The following ARIH2 variants were observed in gnomAD, a reference collection of about 807,000 sequenced individuals.
ARIH2 encodes the protein E3 ubiquitin-protein ligase ARIH2.
A neutral mutation model predicts 79.8 loss-of-function variants in ARIH2; 12 were observed. That is an observed-to-expected ratio of 0.15 (90% CI 0.10 to 0.24). The LOEUF (loss-of-function observed/expected upper bound fraction) is 0.24. Among genes scored for constraint, ARIH2 ranks in the 10% least tolerant of loss-of-function variants. The pLI is 1.00. For synonymous variants in ARIH2, 224 were observed against 213.9 expected, an observed-to-expected ratio of 1.05 and a Z score of -0.41; for missense variants, 301 against 618.3, an observed-to-expected ratio of 0.49 and a Z score of 5.44.
chr3:48,981,177 C>T (rs760984532), intron 13 of ARIH2, among the ~76,000 whole-genome samples: 1 of 151,642 alleles, frequency 6.6e-6, no homozygotes, highest in Admixed American at 6.6e-5. Context: ...AAAAAAAATA[C>T]AAACGTTCGC....
At chr3:48,935,927 C>T (rs2107113886) in intron 3 of ARIH2, among the ~76,000 whole-genome samples, 1 of 152,228 alleles carries the variant, frequency 6.6e-6, no homozygotes, top group South Asian at 2.1e-4. Context: ...GGGTCATATA[C>T]TTTGGATTAT....
intron 3 of ARIH2, among the ~76,000 whole-genome samples, chr3:48,950,492 CA>C (rs918600102): frequency 6.6e-6 from 1 of 152,148 alleles, no homozygotes. Flanking sequence ...TCTTTTCTTT[CA>C]AGATTGCTTT....
At chr3:48,934,296 G>C (rs1482019687) in intron 3 of ARIH2, 2 of 740,066 alleles carry the variant, frequency 2.7e-6, no homozygotes, top group Non-Finnish European at 3.3e-6. Context: ...ATAATGCCAA[G>C]TTAAAAGATA....
intron 9 of ARIH2, among the ~76,000 whole-genome samples, chr3:48,974,240 C>G (rs908913148): frequency 1.3e-5 from 2 of 152,172 alleles, no homozygotes; most frequent in African/African-American, 4.8e-5. Flanking sequence ...CTAGGGGCCA[C>G]TGTACCCTTT....
chr3:48,932,495 G>A (rs1177038108), intron 3 of ARIH2, among the ~76,000 whole-genome samples: 1 of 152,142 alleles, frequency 6.6e-6, no homozygotes, highest in Non-Finnish European at 1.5e-5. Context: ...GTAACCATAA[G>A]CATTTTTATT....
rs1038160839 is a variant in ARIH2, at chr3:48,919,280, C to G, written c.-162+282C>G. On this transcript the variant is annotated intron_variant, in intron 1 of 15. Transcript: ENST00000356401. ...CGCCGGCACATCTAGGCCCTCTCTC[C>G]CTGTCTGGCGCGGCGGGGAAACGCG... 3 of 1,110,788 alleles carry G rather than the reference C, an allele frequency of 2.7e-6. No individual in the cohort carries two copies. The African/African-American group carries it at 4.9e-5, about 18-fold the overall frequency. 68.8% of individuals were successfully genotyped at this position (1,110,788 alleles called of 1,614,324 possible).
intron 4 of ARIH2, among the ~76,000 whole-genome samples, chr3:48,962,582 A>C (rs1341001878): frequency 2.0e-5 from 3 of 152,244 alleles, no homozygotes; most frequent in African/African-American, 7.2e-5. Context: ...TCACCCTCGG[A>C]GGCGTGTGCC....
intron 4 of ARIH2, among the ~76,000 whole-genome samples, chr3:48,964,685 T>C (rs144282238): frequency 3.6e-4 from 55 of 152,324 alleles, no homozygotes; most frequent in African/African-American, 1.3e-3. Context: ...TCTGATGAAT[T>C]GAGGTTCTTA....
chr3:48,958,280 C>T (rs1171402513), intron 3 of ARIH2, among the ~76,000 whole-genome samples: 2 of 152,046 alleles, frequency 1.3e-5, no homozygotes, highest in Non-Finnish European at 2.9e-5. Flanking sequence ...ATGATCATGC[C>T]ACTGCATTCC....
intron 8 of ARIH2, among the ~76,000 whole-genome samples, chr3:48,973,425 A>G (rs1485657654): frequency 6.6e-6 from 1 of 152,070 alleles, no homozygotes; most frequent in Non-Finnish European, 1.5e-5. Flanking sequence ...AAAATACAAA[A>G]AATTAGCCGG....
intron 3 of ARIH2, among the ~76,000 whole-genome samples, chr3:48,932,231 A>G (rs1449825008): frequency 6.6e-6 from 1 of 152,158 alleles, no homozygotes; most frequent in Non-Finnish European, 1.5e-5. Flanking sequence ...TGGCATTCAA[A>G]TAGTGGCAAA....
At position 48,927,634 on chromosome 3, in the gene ARIH2, G is replaced by A; in HGVS notation, c.76G>A (p.Glu26Lys). 1 of 1,613,792 alleles carries A rather than the reference G, an allele frequency of 6.2e-7. No individual in the cohort carries two copies. The highest frequency in any genetic ancestry group is 8.5e-7 in the Non-Finnish European group (1 of 1,179,844). The change falls in exon 3 of 16, where the codon GAA becomes AAA. Residue 26 changes from glutamate (E) to lysine (K), a missense_variant. This residue lies in a region of ARIH2 where 223 missense variants were observed against 349.4 expected (regional missense o/e 0.64). Coordinates refer to ENST00000356401, the MANE Select transcript of ARIH2 (RefSeq NM_006321.4). ...TGACCCAAATTGTGAGGAAGAGGAA[G>A]AAGAAGAAGAAGACGACCCTGGGGA... ...DYDPNCEEEE[E>K]EEEDDPGDIE... is the part of the protein sequence containing the mutation.
At chr3:48,934,450 G>A in intron 3 of ARIH2, 3 of 985,180 alleles carry the variant, frequency 3.0e-6, no homozygotes, top group Non-Finnish European at 3.6e-6. Context: ...TATTATTGTT[G>A]CTACTACTCA....
intron 3 of ARIH2, 85 bp from the exon 4 acceptor site, chr3:48,961,527 C>T: frequency 2.5e-6 from 2 of 784,874 alleles, no homozygotes; most frequent in Non-Finnish European, 4.3e-6. Flanking sequence ...GCATAATAGA[C>T]ATGAATGTAT....
At chr3:48,940,078 C>T (rs946386249) in intron 3 of ARIH2, among the ~76,000 whole-genome samples, 6 of 151,736 alleles carry the variant, frequency 4.0e-5, no homozygotes, top group South Asian at 2.1e-4. Flanking sequence ...TGGTGGTGGG[C>T]GCCTGTAGTC....
intron 3 of ARIH2, among the ~76,000 whole-genome samples, chr3:48,949,340 T>C (rs1458028724): frequency 6.6e-6 from 1 of 152,112 alleles, no homozygotes; most frequent in Non-Finnish European, 1.5e-5. Context: ...GGATGGTCTC[T>C]ATCTCCTGAC....
intron 11 of ARIH2, among the ~76,000 whole-genome samples, chr3:48,978,649 A>C (rs573858017): frequency 6.6e-6 from 1 of 151,660 alleles, no homozygotes; most frequent in African/African-American, 2.4e-5. Flanking sequence ...ACCATTGGAT[A>C]GCTCTAGGTT....
At chr3:48,946,747 G>A (rs995762000) in intron 3 of ARIH2, among the ~76,000 whole-genome samples, 25 of 152,222 alleles carry the variant, frequency 1.6e-4, no homozygotes, top group African/African-American at 6.0e-4. Flanking sequence ...CTAACCCATT[G>A]TGGTGCAGGT....
intron 9 of ARIH2, 127 bp downstream of exon 9, chr3:48,973,943 T>C (rs555378114): frequency 1.4e-4 from 90 of 644,908 alleles, no homozygotes; most frequent in Non-Finnish European, 4.1e-5. Context: ...GACTGGGGGT[T>C]TGGGGACCCT....
Sources: allele counts gnomAD v4.1 joint callset (sites outside exome capture counted in the v4.1 genomes callset), GRCh38; gene constraint gnomAD v4.1.1; regional missense constraint gnomAD v4.1.1; transcripts MANE v1.5; gene names NCBI Gene and HGNC (gene_info 2026-07-23, HGNC 2026-07-21).